The following RGS17 variants were observed in gnomAD, a reference collection of about 807,000 sequenced individuals.
RGS17 encodes regulator of G-protein signaling 17.
RGS17 carries 12 observed loss-of-function variants against 25.5 expected under a neutral mutation model. The ratio of observed to expected loss-of-function variants is 0.47; its 90% CI spans 0.30 to 0.76. RGS17 has a LOEUF of 0.76. Among genes scored for constraint, RGS17 ranks in the 30% least tolerant of loss-of-function variants. The pLI is 0.07. For missense variants in RGS17, 196 were observed against 242.2 expected, an observed-to-expected ratio of 0.81 and a Z score of 1.27; for synonymous variants, 71 against 76.9, an observed-to-expected ratio of 0.92 and a Z score of 0.40.
intron 1 of RGS17, among the ~76,000 whole-genome samples, chr6:153,096,592 C>T (rs574696871): frequency 1.3e-5 from 2 of 152,254 alleles, no homozygotes; most frequent in East Asian, 1.9e-4. Context: ...ATCTCAAGTC[C>T]CTTCCAATTC....
intron 4 of RGS17, among the ~76,000 whole-genome samples, chr6:153,024,049 C>A (rs1336234877): frequency 6.6e-6 from 1 of 152,194 alleles, no homozygotes; most frequent in Non-Finnish European, 1.5e-5. Flanking sequence ...AACTACCACA[C>A]AAGTCAGCTA....
chr6:153,106,901 T>C (rs1253396066), intron 1 of RGS17, among the ~76,000 whole-genome samples: 1 of 151,308 alleles, frequency 6.6e-6, no homozygotes, highest in Non-Finnish European at 1.5e-5. Context: ...CCCAAAGTAC[T>C]GGGATTATAG....
chr6:153,071,227 AACAC>A (rs1776799502), intron 1 of RGS17, among the ~76,000 whole-genome samples: 2 of 151,364 alleles, frequency 1.3e-5, no homozygotes, highest in South Asian at 4.2e-4. Context: ...CATAGATATA[AACAC>A]ACATACACAT....
In RGS17 at chr6:153,006,427, A is replaced by G. The variant is rs1262695752; in HGVS notation, c.*5147T>C. The G allele has an allele frequency of 8.5e-6, 1 of 117,944 alleles. No individual in the cohort carries two copies. Among genetic ancestry groups the G allele is most frequent in the Non-Finnish European group, 1.8e-5 (1 of 56,330 alleles). 7.3% of individuals were successfully genotyped at this position (117,944 alleles called of 1,614,324 possible). ...TATATCCATTTATCATCTATCTATC[A>G]TCTATCTATCAATCATCTATCTATC... is the stretch of plus-strand genomic sequence containing the variant. On this transcript the variant is annotated 3_prime_UTR_variant, in exon 5 of 5. Transcript: ENST00000206262.
At chr6:153,058,377 C>T (rs1776591609) in intron 1 of RGS17, among the ~76,000 whole-genome samples, 1 of 152,186 alleles carries the variant, frequency 6.6e-6, no homozygotes, top group Non-Finnish European at 1.5e-5. Flanking sequence ...TACACAAAGG[C>T]TTAGTCAGTG....
chr6:153,062,753 G>A (rs1436974112), intron 1 of RGS17, among the ~76,000 whole-genome samples: 1 of 152,090 alleles, frequency 6.6e-6, no homozygotes, highest in Non-Finnish European at 1.5e-5. Flanking sequence ...TTGAGGAGAG[G>A]AGAGGGAAGA....
chr6:153,012,559 G>C (rs1779144721), intron 4 of RGS17, among the ~76,000 whole-genome samples: 1 of 152,138 alleles, frequency 6.6e-6, no homozygotes, highest in Non-Finnish European at 1.5e-5. Context: ...AAACATGTTG[G>C]AAAGGGAAAT....
intron 1 of RGS17, among the ~76,000 whole-genome samples, chr6:153,085,762 T>C (rs1390504767): frequency 6.6e-6 from 1 of 152,148 alleles, no homozygotes; most frequent in Non-Finnish European, 1.5e-5. Flanking sequence ...CTCTTACATT[T>C]TTTTCTTTAA....
intron 1 of RGS17, among the ~76,000 whole-genome samples, chr6:153,078,409 T>A (rs1177302266): frequency 1.3e-5 from 2 of 152,190 alleles, no homozygotes; most frequent in Non-Finnish European, 2.9e-5. Context: ...GAACATGGTA[T>A]CTCTTCATAT....
At chr6:153,062,234 G>A (rs1158589813) in intron 1 of RGS17, among the ~76,000 whole-genome samples, 1 of 152,166 alleles carries the variant, frequency 6.6e-6, no homozygotes, top group Non-Finnish European at 1.5e-5. Flanking sequence ...TGAAGAGGTA[G>A]AGAGAAACAG....
chr6:153,115,281 C>A (rs1461425158), intron 1 of RGS17, among the ~76,000 whole-genome samples: 1 of 152,124 alleles, frequency 6.6e-6, no homozygotes, highest in Non-Finnish European at 1.5e-5. Flanking sequence ...TTCCTATACA[C>A]CAATAATAGA....
At chr6:153,128,253 C>T (rs1777731174) in intron 1 of RGS17, among the ~76,000 whole-genome samples, 1 of 152,226 alleles carries the variant, frequency 6.6e-6, no homozygotes. Context: ...AAATAAAATG[C>T]TTTTAACATC....
At chr6:153,073,510 G>T (rs1483050923) in intron 1 of RGS17, among the ~76,000 whole-genome samples, 1 of 152,140 alleles carries the variant, frequency 6.6e-6, no homozygotes, top group Non-Finnish European at 1.5e-5. Context: ...AACGGTGTTG[G>T]CAAATGTTGA....
chr6:153,011,692 T>G lies in RGS17; in HGVS notation c.515A>C (p.Glu172Ala), dbSNP rs1253433639. 6.2e-7 allele frequency: 1 copy of G among 1,613,138 alleles called. No individual in the cohort carries two copies. The highest frequency in any genetic ancestry group is 1.3e-5 in the African/African-American group (1 of 74,908). ...AGTATATATCTGAAGTTGGGCATCT[T>G]CATACATGTGAGGATTGGGATCCAA... ...NLLDPNPHMY[E>A]DAQLQIYTLM... is the part of the protein sequence containing the mutation. Residue 172 changes from glutamate to alanine, a missense_variant, in exon 5 of 5, where the codon GAA becomes GCA. Coordinates refer to ENST00000206262, the MANE Select transcript of RGS17 (RefSeq NM_012419.5).
rs1776580957 is a variant in RGS17 at position 153,057,810 on chromosome 6, A to C, written c.-25-13767T>G. Among the ~76,000 whole-genome samples, 2 of 152,060 alleles carry C rather than the reference A, an allele frequency of 1.3e-5. 1 individual carries two copies. The highest frequency in any genetic ancestry group is 4.1e-4 in the South Asian group (2 of 4,828). On this transcript the variant is annotated intron_variant, in intron 1 of 4. Coordinates refer to ENST00000206262, the MANE Select transcript of RGS17 (RefSeq NM_012419.5). Reference sequence around the variant, plus strand: ...ACAGATCATCAGGCATTACATTCTCATAAAGAGTGTGCAACCTAGATCCCT... The same window carrying C: ...ACAGATCATCAGGCATTACATTCTCCTAAAGAGTGTGCAACCTAGATCCCT...
intron 1 of RGS17, among the ~76,000 whole-genome samples, chr6:153,051,168 C>T (rs1202864403): frequency 1.3e-5 from 2 of 152,138 alleles, no homozygotes; most frequent in Non-Finnish European, 2.9e-5. Context: ...TATAGCAGCC[C>T]AAACTAAGAG....
intron 1 of RGS17, among the ~76,000 whole-genome samples, chr6:153,090,915 G>T (rs1166429329): frequency 3.9e-5 from 6 of 152,130 alleles, no homozygotes; most frequent in South Asian, 2.1e-4. Flanking sequence ...ATCCCCTGAG[G>T]ATAAAGGGAC....
intron 1 of RGS17, among the ~76,000 whole-genome samples, chr6:153,104,077 C>T (rs923392714): frequency 3.3e-5 from 5 of 152,100 alleles, no homozygotes; most frequent in Admixed American, 2.0e-4. Context: ...GATAAAATAT[C>T]CTATGTATTT....
intron 1 of RGS17, among the ~76,000 whole-genome samples, chr6:153,122,096 T>A (rs943124744): frequency 2.0e-5 from 3 of 152,200 alleles, no homozygotes; most frequent in Non-Finnish European, 2.9e-5. Flanking sequence ...ACTAATAGTC[T>A]TGTTTTCTGA....
Sources: gnomAD v4.1 joint callset for allele counts (sites outside exome capture counted in the v4.1 genomes callset) on GRCh38, gnomAD v4.1.1 for gene constraint, MANE v1.5 for transcripts, NCBI Gene and HGNC (gene_info 2026-07-23, HGNC 2026-07-21) for gene names.